The following RYR2 variants were observed in gnomAD, a reference collection of about 807,000 sequenced individuals.
RYR2 encodes ryanodine receptor 2, also known as cardiac muscle ryanodine receptor-calcium release channel.
RYR2 carries 227 observed loss-of-function variants against 601.1 expected under a neutral mutation model. That is an observed-to-expected ratio of 0.38 (90% CI 0.34 to 0.42). The LOEUF is 0.42. Ranked by LOEUF, RYR2 falls within the 10% of genes least tolerant of loss-of-function variation. The pLI is 1.00. For synonymous variants in RYR2, 2,223 were observed against 2,175.1 expected (o/e 1.02, Z -0.61); for missense variants, 4,646 against 6,156.5 (o/e 0.75, Z 8.21).
intron 19 of RYR2, among the ~76,000 whole-genome samples, chr1:237,496,130 C>A (rs1572593590): frequency 6.6e-6 from 1 of 152,128 alleles, no homozygotes; most frequent in African/African-American, 2.4e-5. Context: ...TGTGGCTGGG[C>A]ACGGTGGCTC....
In RYR2 at chr1:237,315,520, A is replaced by G. The variant is rs79991635; in HGVS notation, c.169-15358A>G. ...TTGGTGGTCCATTTGCAATGAGATGATAAGTGTTGTCCTTTCACAAAAATT... is the reference window on the plus strand; with the variant it reads ...TTGGTGGTCCATTTGCAATGAGATGGTAAGTGTTGTCCTTTCACAAAAATT... On this transcript the variant is annotated intron_variant, in intron 2 of 104. Transcript: ENST00000366574. 1.9e-3 allele frequency among the ~76,000 whole-genome samples: 289 copies of G among 152,290 alleles called. 4 individuals carry two copies. The highest frequency in any genetic ancestry group is 6.6e-3 in the African/African-American group (275 of 41,564).
chr1:237,371,817 T>A (rs1336279307), intron 6 of RYR2, among the ~76,000 whole-genome samples: 3 of 152,156 alleles, frequency 2.0e-5, no homozygotes, highest in Non-Finnish European at 4.4e-5. Context: ...AAACACTGCA[T>A]GTTCTCACTC....
Position 237,377,175 on chromosome 1 carries a change from G to C in RYR2, c.464-148G>C, listed in dbSNP as rs1186152633. 5 of 551,990 alleles carry C rather than the reference G, an allele frequency of 9.1e-6. No homozygotes were observed. The Admixed American group carries it at 1.7e-4, about 18-fold the overall frequency. The allele number at this position is 551,990 out of a possible 1,614,324, so 34.2% of individuals were successfully genotyped here. A position where few individuals can be genotyped will look rare whatever the true frequency, so the allele number is the denominator to read the frequency against. On this transcript the variant is annotated intron_variant, in intron 7 of 104. Transcript: ENST00000366574. The stretch of plus-strand genomic sequence containing the variant: ...GAATCTTATTTTATCCTAAGCTAAG[G>C]CTTAATTCTTTCTCTTTTCATGGTG...
intron 1 of RYR2, among the ~76,000 whole-genome samples, chr1:237,151,577 A>G (rs1385033134): frequency 1.3e-5 from 2 of 152,192 alleles, no homozygotes; most frequent in African/African-American, 2.4e-5. Context: ...ATCTATCTGT[A>G]TTTCCTTAAG....
At chr1:237,818,050 T>C (rs1662035990) in intron 100 of RYR2, among the ~76,000 whole-genome samples, 1 of 152,112 alleles carries the variant, frequency 6.6e-6, no homozygotes, top group Non-Finnish European at 1.5e-5. Flanking sequence ...GGAGGAGGTA[T>C]GGGGAGAGCG....
In RYR2 at chr1:237,709,048, A is replaced by G; in HGVS notation, c.10092A>G (p.Arg3364=). The G allele has an allele frequency of 6.2e-7, 1 of 1,610,594 alleles. No homozygotes were observed. Among genetic ancestry groups the G allele is most frequent in the Non-Finnish European group, 8.5e-7 (1 of 1,177,304 alleles). ...TAGATGAGTTCACCACACTGGCCAG[A>G]GATCTCTATGCCTTCTACCCTCTCT... The part of the protein sequence containing the change: ...LILDEFTTLA[R]DLYAFYPLLI... The change falls in exon 69 of 105, where the codon AGA becomes AGG. Residue 3364 remains arginine (R), a synonymous_variant. Transcript: ENST00000366574.
chr1:237,635,976 C>T (rs1680832781), intron 44 of RYR2, among the ~76,000 whole-genome samples: 1 of 151,962 alleles, frequency 6.6e-6, no homozygotes. Context: ...CAAAGTCACC[C>T]TCTTGATCAG....
intron 1 of RYR2, 79 bp from the exon 2 acceptor site, chr1:237,270,418 T>C: frequency 6.5e-7 from 1 of 1,527,120 alleles, no homozygotes. Flanking sequence ...ACTAAAATAA[T>C]GTTCTTCAAG....
chr1:237,408,810 C>T (rs1303471568), intron 10 of RYR2, among the ~76,000 whole-genome samples: 1 of 152,156 alleles, frequency 6.6e-6, no homozygotes. Context: ...TATCCATGAA[C>T]ATGGAATAGC....
chr1:237,216,181 A>G (rs973842415), intron 1 of RYR2, among the ~76,000 whole-genome samples: 6 of 152,134 alleles, frequency 3.9e-5, no homozygotes, highest in African/African-American at 1.4e-4. Context: ...TTTAATTCTA[A>G]TTTTTGAAGA....
intron 35 of RYR2, among the ~76,000 whole-genome samples, chr1:237,606,467 A>G (rs1261187117): frequency 6.6e-6 from 1 of 152,256 alleles, no homozygotes; most frequent in African/African-American, 2.4e-5. Flanking sequence ...TAAAAACCCT[A>G]GAAGAAAACC....
At chr1:237,336,936 A>C (rs907555958) in intron 3 of RYR2, among the ~76,000 whole-genome samples, 10 of 150,124 alleles carry the variant, frequency 6.7e-5, no homozygotes, top group Admixed American at 5.4e-4. Context: ...TCTCTTTAAG[A>C]CATGTACTCT....
chr1:237,457,420 TA>T (rs1328138380), intron 16 of RYR2, among the ~76,000 whole-genome samples: 1 of 152,184 alleles, frequency 6.6e-6, no homozygotes, highest in African/African-American at 2.4e-5. Context: ...TGTCAAAAAC[TA>T]AAGGGTCTGA....
intron 41 of RYR2, among the ~76,000 whole-genome samples, chr1:237,628,627 A>G (rs913088687): frequency 2.0e-5 from 3 of 152,166 alleles, no homozygotes; most frequent in African/African-American, 7.2e-5. Flanking sequence ...AAGCTAAGTT[A>G]GAAAGTTGCT....
At chr1:237,575,739 C>T (rs934682669) in intron 29 of RYR2, among the ~76,000 whole-genome samples, 3 of 152,030 alleles carry the variant, frequency 2.0e-5, no homozygotes, top group African/African-American at 7.3e-5. Flanking sequence ...CTTTAGCAAC[C>T]ACAACTTATT....
intron 83 of RYR2, 115 bp from the exon 84 acceptor site, chr1:237,760,840 T>A (rs901541992): frequency 1.1e-5 from 5 of 461,076 alleles, no homozygotes; most frequent in Non-Finnish European, 2.0e-5. Context: ...GTTTTCAGTG[T>A]ACGTTAACAT....
intron 8 of RYR2, among the ~76,000 whole-genome samples, chr1:237,381,803 G>T (rs1701541251): frequency 6.6e-6 from 1 of 152,202 alleles, no homozygotes; most frequent in African/African-American, 2.4e-5. Flanking sequence ...CTCTAAAAAT[G>T]GTTGTAAACG....
At chr1:237,437,528 G>A (rs1707522310) in intron 12 of RYR2, among the ~76,000 whole-genome samples, 1 of 152,090 alleles carries the variant, frequency 6.6e-6, no homozygotes, top group Non-Finnish European at 1.5e-5. Context: ...CTGGTCCTGA[G>A]GTTATGTGGG....
chr1:237,614,734 G>A lies in RYR2; in HGVS notation c.5606G>A (p.Ser1869Asn). The change falls in exon 37 of 105, where the codon AGT (serine) becomes AAT (asparagine). Residue 1869 changes from serine to asparagine, a missense_variant. By Grantham distance (46) the Ser-to-Asn change is conservative. This residue lies in a region of RYR2 where 1,807 missense variants were observed against 2,088.1 expected (regional missense o/e 0.87). Transcript: ENST00000366574. The surrounding 1 kb of genome is among the most constrained non-coding windows in gnomAD (Gnocchi z 4.3). ...AGTGACACGCTGGAGAAAGAGCTCAGTGTGGACGATGCAAAGCTGCAAGGA... is the reference window on the plus strand; with the variant it reads ...AGTGACACGCTGGAGAAAGAGCTCAATGTGGACGATGCAAAGCTGCAAGGA... Reference protein sequence around the residue: ...EESDTLEKELSVDDAKLQGAG... With the variant: ...EESDTLEKELNVDDAKLQGAG... 1 of 1,614,022 alleles carries A rather than the reference G, an allele frequency of 6.2e-7. No individual in the cohort carries two copies. The highest frequency in any genetic ancestry group is 8.5e-7 in the Non-Finnish European group (1 of 1,179,878).
Sources: allele counts gnomAD v4.1 joint callset (sites outside exome capture counted in the v4.1 genomes callset), GRCh38; gene constraint gnomAD v4.1.1; regional missense constraint gnomAD v4.1.1; non-coding constraint Gnocchi (gnomAD v3.1); transcripts MANE v1.5; gene names NCBI Gene and HGNC (gene_info 2026-07-23, HGNC 2026-07-21).